Variants in MAP4K4 observed in about 807,000 individuals in gnomAD.
The protein encoded by MAP4K4 is mitogen-activated protein kinase kinase kinase kinase 4.
In MAP4K4, 38 loss-of-function variants were observed where a neutral mutation model predicts 189.6. That is an observed-to-expected ratio of 0.20 (90% CI 0.15 to 0.26). The LOEUF is 0.26. Ranked by LOEUF, MAP4K4 falls within the 10% of genes least tolerant of loss-of-function variation. The probability of loss-of-function intolerance (pLI) is 1.00; values close to 1 mark genes in which losing one functional copy is unlikely to be tolerated. For missense variants in MAP4K4, 1,054 were observed against 1,726.9 expected, an observed-to-expected ratio of 0.61 and a Z score of 6.91; for synonymous variants, 610 against 624.3, an observed-to-expected ratio of 0.98 and a Z score of 0.34.
At chr2:101,797,492 A>G (rs904564365) in intron 3 of MAP4K4, 46 of 892,392 alleles carry the variant, frequency 5.2e-5, no homozygotes, top group Middle Eastern at 4.2e-4. Flanking sequence ...TGAGAGAAAA[A>G]CTAATGTGCC....
In MAP4K4 at chr2:101,698,185, C is replaced by T. The variant is rs567156593; in HGVS notation, c.57+48C>T. On this transcript the variant is annotated intron_variant, in intron 1 of 32. Coordinates refer to ENST00000324219, the Ensembl canonical transcript of MAP4K4. ...GCGCGGGGAGCGGGCAGCCGGCAGC[C>T]GGCAGCCGGGGCCGCGCCCAGGTCG... The T allele has an allele frequency of 2.9e-4, 272 of 944,224 alleles. 2 individuals carry two copies. The African/African-American group carries it at 4.5e-3, about 16-fold the overall frequency. The allele number at this position is 944,224 out of a possible 1,614,324, so 58.5% of individuals were successfully genotyped here. A position where few individuals can be genotyped will look rare whatever the true frequency, so the allele number is the denominator to read the frequency against.
At chr2:101,834,174 C>T (rs2096670012) in intron 7 of MAP4K4, among the ~76,000 whole-genome samples, 1 of 133,878 alleles carries the variant, frequency 7.5e-6, no homozygotes, top group Non-Finnish European at 1.6e-5. Context: ...TCCTTTCCTT[C>T]CCTCCCTTCC....
intron 12 of MAP4K4, among the ~76,000 whole-genome samples, chr2:101,851,724 C>CTTTTTTTTT (rs36217584): frequency 1.8e-4 from 12 of 67,904 alleles, no homozygotes; most frequent in African/African-American, 3.0e-4. Context: ...TAACTGTCCT[C>CTTTTTTTTT]TTTTTTTTTT....
intron 3 of MAP4K4, among the ~76,000 whole-genome samples, chr2:101,814,984 C>T (rs547715591): frequency 1.3e-3 from 194 of 152,266 alleles, no homozygotes; most frequent in Middle Eastern, 3.4e-3. Context: ...AGCCATTGGC[C>T]TTGCCCTCTG....
chr2:101,786,835 T>C (rs1051329422), intron 2 of MAP4K4, among the ~76,000 whole-genome samples: 6 of 152,150 alleles, frequency 3.9e-5, no homozygotes, highest in African/African-American at 1.4e-4. Flanking sequence ...GTTGAGAAAA[T>C]AGATGTGAAT....
intron 2 of MAP4K4, among the ~76,000 whole-genome samples, chr2:101,787,807 T>TG (rs199563739): frequency 0.011 from 1,586 of 149,246 alleles, 38 homozygotes; most frequent in African/African-American, 0.037. Flanking sequence ...AAGTTTGCTT[T>TG]TTTTTTTTTT....
chr2:101,857,410 C>T (rs1373727584), intron 13 of MAP4K4, among the ~76,000 whole-genome samples: 1 of 152,024 alleles, frequency 6.6e-6, no homozygotes, highest in Non-Finnish European at 1.5e-5. Context: ...TGTGTTAGGA[C>T]CTTTGTGGTT....
chr2:101,721,087 C>G (rs1023457749), intron 2 of MAP4K4, among the ~76,000 whole-genome samples: 1 of 152,196 alleles, frequency 6.6e-6, no homozygotes, highest in Non-Finnish European at 1.5e-5. Flanking sequence ...AGAGAAAAAA[C>G]ATTCCCATTT....
intron 2 of MAP4K4, among the ~76,000 whole-genome samples, chr2:101,738,522 G>T (rs1037725768): frequency 6.6e-6 from 1 of 152,148 alleles, no homozygotes; most frequent in Non-Finnish European, 1.5e-5. Context: ...TTTGGGAGTC[G>T]ATTTGTAGAG....
exon 1 of MAP4K4, chr2:101,697,888 G>T: frequency 6.6e-6 from 1 of 152,210 alleles, no homozygotes; most frequent in South Asian, 1.8e-4. Flanking sequence ...CGCGCGGCCC[G>T]GCCGGCAGAG....
intron 2 of MAP4K4, among the ~76,000 whole-genome samples, chr2:101,755,289 TTGTC>T (rs1195066898): frequency 2.0e-5 from 3 of 152,086 alleles, no homozygotes; most frequent in African/African-American, 4.8e-5. Context: ...TAAAGGCCCT[TTGTC>T]TGTTATGCAG....
At chr2:101,823,804 T>A (rs2096217607) in intron 3 of MAP4K4, 124 bp from the exon 4 acceptor site, 1 of 746,070 alleles carries the variant, frequency 1.3e-6, no homozygotes, top group African/African-American at 1.8e-5. Context: ...AGTGAATGTA[T>A]ATGTGCCTCT....
intron 2 of MAP4K4, among the ~76,000 whole-genome samples, chr2:101,752,003 CAT>C (rs974807440): frequency 3.9e-5 from 6 of 152,184 alleles, no homozygotes; most frequent in Non-Finnish European, 7.3e-5. Flanking sequence ...TTCTGATCCT[CAT>C]AGAGCAGGTG....
At chr2:101,872,095 A>G (rs1559284309) in intron 24 of MAP4K4, among the ~76,000 whole-genome samples, 1 of 152,050 alleles carries the variant, frequency 6.6e-6, no homozygotes, top group Non-Finnish European at 1.5e-5. Context: ...TCGGTTCAGC[A>G]GGCTTGGCCT....
At chr2:101,824,979 G>A (rs536067003) in intron 4 of MAP4K4, among the ~76,000 whole-genome samples, 1 of 152,164 alleles carries the variant, frequency 6.6e-6, no homozygotes, top group African/African-American at 2.4e-5. Context: ...GAATGTTAGG[G>A]AATATTTGAG....
chr2:101,831,003 C>T (rs1438537738), intron 6 of MAP4K4, among the ~76,000 whole-genome samples: 1 of 152,168 alleles, frequency 6.6e-6, no homozygotes, highest in Non-Finnish European at 1.5e-5. Context: ...TGCATGGGCT[C>T]CTCCACCTTT....
chr2:101,751,890 G>A (rs2069239820), intron 2 of MAP4K4, among the ~76,000 whole-genome samples: 1 of 152,160 alleles, frequency 6.6e-6, no homozygotes, highest in Admixed American at 6.5e-5. Flanking sequence ...TTTTGTTTCA[G>A]TTTGGTCCCA....
At chr2:101,708,524 G>T (rs1484344123) in intron 2 of MAP4K4, among the ~76,000 whole-genome samples, 2 of 152,224 alleles carry the variant, frequency 1.3e-5, no homozygotes, top group Admixed American at 1.3e-4. Flanking sequence ...GCCATGGTAC[G>T]TATTAATTAC....
At chr2:101,710,069 G>A (rs1345842139) in intron 2 of MAP4K4, among the ~76,000 whole-genome samples, 3 of 152,184 alleles carry the variant, frequency 2.0e-5, no homozygotes, top group East Asian at 1.9e-4. Context: ...TGTAATTGGT[G>A]TGTAGTTTTA....
Sources: allele counts gnomAD v4.1 joint callset (sites outside exome capture counted in the v4.1 genomes callset), GRCh38; gene constraint gnomAD v4.1.1; transcripts MANE v1.5; gene names NCBI Gene and HGNC (gene_info 2026-07-23, HGNC 2026-07-21).